The following NLK variants were observed in gnomAD, a reference collection of about 807,000 sequenced individuals.
The protein encoded by NLK is nemo like kinase.
In NLK, 11 loss-of-function variants were observed where a neutral mutation model predicts 59.0. The observed-to-expected ratio is 0.19, with a 90% CI of 0.12 to 0.31. The LOEUF is 0.31. Among genes scored for constraint, NLK ranks in the 10% least tolerant of loss-of-function variants. The pLI is 1.00. For missense variants in NLK, 410 were observed against 661.1 expected (o/e 0.62, Z 4.16); for synonymous variants, 235 against 235.9 (o/e 1.00, Z 0.03).
chr17:28,160,187 G>T (rs961100297), intron 3 of NLK, among the ~76,000 whole-genome samples: 1 of 152,132 alleles, frequency 6.6e-6, no homozygotes, highest in Admixed American at 6.5e-5. Flanking sequence ...GCAGCCATGG[G>T]GCATTTCAAC....
chr17:28,131,372 ATT>A (rs1906508389), intron 2 of NLK, among the ~76,000 whole-genome samples: 1 of 151,902 alleles, frequency 6.6e-6, no homozygotes, highest in African/African-American at 2.4e-5. Context: ...TACATTTTAG[ATT>A]TGATCATTGC....
At chr17:28,130,965 G>A (rs1017240496) in intron 2 of NLK, among the ~76,000 whole-genome samples, 1 of 151,980 alleles carries the variant, frequency 6.6e-6, no homozygotes, top group Non-Finnish European at 1.5e-5. Flanking sequence ...CTTATTTTCT[G>A]TTTATACCAA....
In NLK at chr17:28,191,158, C is replaced by T; in HGVS notation, c.1374C>T (p.Val458=). 1 of 1,613,574 alleles carries T rather than the reference C, an allele frequency of 6.2e-7. No homozygotes were observed. Among genetic ancestry groups the T allele is most frequent in the South Asian group, 1.1e-5 (1 of 90,984 alleles). Residue 458 remains valine (V), a synonymous_variant, in exon 9 of 11, where the codon GTC becomes GTT. Coordinates refer to ENST00000407008, the MANE Select transcript of NLK (RefSeq NM_016231.5). ...TTTATACCAGTGACTTTGAGCCTGT[C>T]ACCAATCCCAAATTTGATGACACTT... The part of the protein sequence containing the change: ...GRVYTSDFEP[V]TNPKFDDTFE...
At chr17:28,113,463 C>G (rs934673482) in intron 1 of NLK, among the ~76,000 whole-genome samples, 3 of 152,186 alleles carry the variant, frequency 2.0e-5, no homozygotes, top group African/African-American at 7.2e-5. Context: ...TGATTATATG[C>G]TAAACAAAGG....
At chr17:28,114,183 A>G (rs939914908) in intron 1 of NLK, among the ~76,000 whole-genome samples, 12 of 152,174 alleles carry the variant, frequency 7.9e-5, no homozygotes, top group African/African-American at 2.7e-4. Flanking sequence ...TTTTAAGGGT[A>G]TTACAAATAT....
In NLK at chr17:28,195,016, A is replaced by C. The variant is rs199687427; in HGVS notation, c.*380A>C. 2,197 of 150,642 alleles carry C rather than the reference A, an allele frequency of 0.015. 34 individuals are homozygous for C. Among genetic ancestry groups the C allele is most frequent in the Non-Finnish European group, 0.023 (1,648 of 70,484 alleles). The allele number at this position is 150,642 out of a possible 1,614,324, so 9.3% of individuals were successfully genotyped here. ...ACACACACACACACACACACACACAAACACAAAGGACAGTCATACATTTTG... is the reference window on the plus strand; with the variant it reads ...ACACACACACACACACACACACACACACACAAAGGACAGTCATACATTTTG... On this transcript the variant is annotated 3_prime_UTR_variant, in exon 11 of 11. Coordinates refer to ENST00000407008, the MANE Select transcript of NLK (RefSeq NM_016231.5).
chr17:28,152,173 C>G (rs998905969), intron 3 of NLK, among the ~76,000 whole-genome samples: 1 of 152,168 alleles, frequency 6.6e-6, no homozygotes, highest in Non-Finnish European at 1.5e-5. Flanking sequence ...TTTTCTGAAA[C>G]GAGTACTTAG....
At chr17:28,081,325 A>G (rs1394496621) in intron 1 of NLK, among the ~76,000 whole-genome samples, 1 of 152,034 alleles carries the variant, frequency 6.6e-6, no homozygotes, top group Non-Finnish European at 1.5e-5. Context: ...AACTGGGACT[A>G]CAGGTGTATG....
chr17:28,164,273 G>C (rs1908128693), intron 5 of NLK, among the ~76,000 whole-genome samples: 4 of 151,242 alleles, frequency 2.6e-5, no homozygotes, highest in African/African-American at 9.7e-5. Context: ...AGAAGGCTGA[G>C]ATGGGAGGAT....
At chr17:28,185,458 G>A (rs1046920839) in intron 8 of NLK, among the ~76,000 whole-genome samples, 193 bp downstream of exon 8, 3 of 152,290 alleles carry the variant, frequency 2.0e-5, no homozygotes, top group South Asian at 2.1e-4. Flanking sequence ...GAGTCTAAGG[G>A]AAGAGATAAG....
chr17:28,101,553 T>A (rs1904903541), intron 1 of NLK, among the ~76,000 whole-genome samples: 1 of 152,094 alleles, frequency 6.6e-6, no homozygotes, highest in Non-Finnish European at 1.5e-5. Flanking sequence ...GTAAACAGAG[T>A]TGGGGTTTTT....
At chr17:28,175,139 C>T (rs936359059) in intron 7 of NLK, among the ~76,000 whole-genome samples, 7 of 151,988 alleles carry the variant, frequency 4.6e-5, no homozygotes, top group African/African-American at 1.7e-4. Flanking sequence ...AACCTCTGGA[C>T]TGTAGTGATT....
downstream of NLK, among the ~76,000 whole-genome samples, chr17:28,200,673 G>T (rs889475318): frequency 6.6e-6 from 1 of 152,112 alleles, no homozygotes; most frequent in Non-Finnish European, 1.5e-5. Flanking sequence ...TTGTAAAGGC[G>T]GGGTTTCACC....
intron 1 of NLK, among the ~76,000 whole-genome samples, chr17:28,102,342 CTT>C (rs1904931608): frequency 6.6e-6 from 1 of 152,068 alleles, no homozygotes; most frequent in African/African-American, 2.4e-5. Context: ...ATATTGTTGA[CTT>C]ATGTTAAAGT....
chr17:28,136,577 C>A (rs1906755445), intron 3 of NLK, among the ~76,000 whole-genome samples: 1 of 152,000 alleles, frequency 6.6e-6, no homozygotes, highest in South Asian at 2.1e-4. Context: ...CTTTTAGTGT[C>A]CTAAATGGGA....
At chr17:28,164,369 C>CAAAA (rs962344405) in intron 5 of NLK, among the ~76,000 whole-genome samples, 1 of 61,406 alleles carries the variant, frequency 1.6e-5, no homozygotes, top group African/African-American at 6.0e-5. Context: ...GACCCTGTCT[C>CAAAA]AAAAAAAAAA....
intron 1 of NLK, among the ~76,000 whole-genome samples, chr17:28,100,404 A>G (rs1476687106): frequency 6.6e-6 from 1 of 152,192 alleles, no homozygotes; most frequent in Non-Finnish European, 1.5e-5. Context: ...CATAATTACA[A>G]TATAGTATGA....
At chr17:28,108,662 C>T (rs1454576476) in intron 1 of NLK, among the ~76,000 whole-genome samples, 1 of 152,138 alleles carries the variant, frequency 6.6e-6, no homozygotes, top group Non-Finnish European at 1.5e-5. Flanking sequence ...AATAATAAAA[C>T]TTTAATAGCA....
intron 1 of NLK, among the ~76,000 whole-genome samples, chr17:28,091,580 AC>A (rs1235021634): frequency 3.3e-5 from 5 of 151,994 alleles, no homozygotes; most frequent in African/African-American, 1.2e-4. Context: ...ATATAAAATA[AC>A]CCCCTTCCAC....
Sources: allele counts gnomAD v4.1 joint callset (sites outside exome capture counted in the v4.1 genomes callset), GRCh38; gene constraint gnomAD v4.1.1; transcripts MANE v1.5; gene names NCBI Gene and HGNC (gene_info 2026-07-23, HGNC 2026-07-21).